The following TASP1 variants were observed in gnomAD, a reference collection of about 807,000 sequenced individuals.
TASP1 encodes threonine aspartase 1.
A neutral mutation model predicts 56.6 loss-of-function variants in TASP1; 16 were observed. The observed-to-expected ratio is 0.28, with a 90% CI of 0.19 to 0.43. The LOEUF (loss-of-function observed/expected upper bound fraction) is 0.43. Ranked by LOEUF, TASP1 falls within the 20% of genes least tolerant of loss-of-function variation. TASP1 has a pLI of 1.00. For missense variants in TASP1, 393 were observed against 511.6 expected, an observed-to-expected ratio of 0.77 and a Z score of 2.24; for synonymous variants, 179 against 184.2, an observed-to-expected ratio of 0.97 and a Z score of 0.23.
At chr20:13,547,281 GAAGA>G (rs2045843411) in intron 8 of TASP1, among the ~76,000 whole-genome samples, 1 of 152,108 alleles carries the variant, frequency 6.6e-6, no homozygotes, top group East Asian at 1.9e-4. Flanking sequence ...GTGCCAACTA[GAAGA>G]AAGAAATTTG....
At chr20:13,406,042 G>A (rs998226207) in intron 13 of TASP1, among the ~76,000 whole-genome samples, 1 of 152,194 alleles carries the variant, frequency 6.6e-6, no homozygotes, top group Non-Finnish European at 1.5e-5. Context: ...TTTTAGGGTT[G>A]CCTCTTCTGT....
the TASP1 span, among the ~76,000 whole-genome samples, chr20:13,347,303 A>G: frequency 3.3e-5 from 5 of 152,174 alleles, no homozygotes; most frequent in Admixed American, 2.0e-4. Flanking sequence ...CAGACCCTCC[A>G]CTTTAGACAG....
At chr20:13,425,909 T>A (rs1360884292) in intron 12 of TASP1, among the ~76,000 whole-genome samples, 1 of 152,210 alleles carries the variant, frequency 6.6e-6, no homozygotes, top group Non-Finnish European at 1.5e-5. Context: ...TGAAGAAACT[T>A]TGACTTGGCA....
At chr20:13,257,504 C>A in the TASP1 span, among the ~76,000 whole-genome samples, 10 of 152,086 alleles carry the variant, frequency 6.6e-5, no homozygotes, top group Admixed American at 5.9e-4. Flanking sequence ...CTCATCTGAC[C>A]CACTGAATAG....
intron 8 of TASP1, among the ~76,000 whole-genome samples, chr20:13,551,182 T>A (rs80205086): frequency 0.022 from 3,369 of 152,244 alleles, 121 homozygotes; most frequent in African/African-American, 0.072. Context: ...CACAACATTG[T>A]ATGAAAGCAC....
chr20:13,521,677 T>C (rs1409684044), intron 10 of TASP1, among the ~76,000 whole-genome samples: 1 of 151,838 alleles, frequency 6.6e-6, no homozygotes, highest in Non-Finnish European at 1.5e-5. Context: ...ATATACCTAA[T>C]GTTAAATGAC....
At chr20:13,619,268 C>A (rs1042418391) in intron 4 of TASP1, among the ~76,000 whole-genome samples, 5 of 152,294 alleles carry the variant, frequency 3.3e-5, no homozygotes, top group East Asian at 1.9e-4. Context: ...ATTAACCAAA[C>A]TTTCTCAAAG....
the TASP1 span, among the ~76,000 whole-genome samples, chr20:13,114,333 T>C: frequency 1.3e-5 from 2 of 152,240 alleles, no homozygotes; most frequent in Non-Finnish European, 2.9e-5. Flanking sequence ...CATTTTCTAA[T>C]TTCATGTCTC....
At chr20:13,635,643 C>T (rs1351812965) in intron 1 of TASP1, among the ~76,000 whole-genome samples, 1 of 152,170 alleles carries the variant, frequency 6.6e-6, no homozygotes, top group Non-Finnish European at 1.5e-5. Context: ...CCACCTCAGC[C>T]TCCCAGACTG....
the TASP1 span, among the ~76,000 whole-genome samples, chr20:13,190,663 A>G: frequency 6.6e-6 from 1 of 152,194 alleles, no homozygotes; most frequent in South Asian, 2.1e-4. Context: ...ACTTTAGGAC[A>G]CTGGTCTGGG....
chr20:13,141,189 T>G, the TASP1 span, among the ~76,000 whole-genome samples: 1 of 152,358 alleles, frequency 6.6e-6, no homozygotes, highest in East Asian at 1.9e-4. Flanking sequence ...ATGAGATACA[T>G]TCACAAACTT....
chr20:13,348,326 T>C, the TASP1 span, among the ~76,000 whole-genome samples: 4 of 152,206 alleles, frequency 2.6e-5, no homozygotes, highest in South Asian at 2.1e-4. Flanking sequence ...AAAGTGGCCA[T>C]AGCATGTCAG....
chr20:13,589,189 G>C (rs2147269976), intron 4 of TASP1, among the ~76,000 whole-genome samples: 1 of 151,548 alleles, frequency 6.6e-6, no homozygotes, highest in South Asian at 2.1e-4. Flanking sequence ...TCTTGAGTAG[G>C]TGGGACTACA....
At chr20:13,442,186 C>T (rs575079496) in intron 11 of TASP1, among the ~76,000 whole-genome samples, 85 of 152,088 alleles carry the variant, frequency 5.6e-4, no homozygotes, top group African/African-American at 2.0e-3. Context: ...TATACAGATC[C>T]AGACTTTCTG....
the TASP1 span, among the ~76,000 whole-genome samples, chr20:13,218,791 T>C: frequency 2.0e-5 from 3 of 152,208 alleles, no homozygotes; most frequent in African/African-American, 7.2e-5. Context: ...TGGGTGTTTA[T>C]CAATACTCGT....
the TASP1 span, among the ~76,000 whole-genome samples, chr20:13,172,244 AT>A: frequency 2.0e-5 from 3 of 152,046 alleles, no homozygotes; most frequent in Non-Finnish European, 4.4e-5. Context: ...CCTTCATAAA[AT>A]TTTTACTATC....
intron 10 of TASP1, among the ~76,000 whole-genome samples, chr20:13,525,190 T>G (rs556298345): frequency 1.2e-4 from 18 of 152,300 alleles, no homozygotes; most frequent in African/African-American, 4.1e-4. Context: ...ATTGAGCCCC[T>G]ACTCTGGGAC....
At chr20:13,453,198 A>G (rs1568821467) in intron 11 of TASP1, among the ~76,000 whole-genome samples, 2 of 152,108 alleles carry the variant, frequency 1.3e-5, no homozygotes, top group Non-Finnish European at 2.9e-5. Context: ...AACATCAGAG[A>G]GGAATGGCAA....
the TASP1 span, among the ~76,000 whole-genome samples, chr20:13,330,046 TC>T: frequency 1.3e-5 from 2 of 151,990 alleles, no homozygotes; most frequent in Non-Finnish European, 2.9e-5. Flanking sequence ...AACCTCTGCC[TC>T]CTAAATTCAA....
Sources: allele counts gnomAD v4.1 joint callset (sites outside exome capture counted in the v4.1 genomes callset), GRCh38; gene constraint gnomAD v4.1.1; transcripts MANE v1.5; gene names NCBI Gene and HGNC (gene_info 2026-07-23, HGNC 2026-07-21).